The following CCSER1 variants were observed in gnomAD, a reference collection of about 807,000 sequenced individuals.
CCSER1 encodes serine-rich coiled-coil domain-containing protein 1.
Under a neutral mutation model 82.0 loss-of-function variants are expected in CCSER1, and 41 were observed. The ratio of observed to expected loss-of-function variants is 0.50; its 90% confidence interval spans 0.39 to 0.65. CCSER1 has a LOEUF of 0.65. Among genes scored for constraint, CCSER1 ranks in the 30% least tolerant of loss-of-function variants. CCSER1 has a pLI of 0.00. For synonymous variants in CCSER1, 414 were observed against 383.9 expected (o/e 1.08, Z -0.92); for missense variants, 1,119 against 1,064.2 (o/e 1.05, Z -0.72).
chr4:90,740,583 A>C (rs1746371200), intron 7 of CCSER1, among the ~76,000 whole-genome samples: 2 of 152,202 alleles, frequency 1.3e-5, no homozygotes, highest in Non-Finnish European at 2.9e-5. Context: ...AATTATTCTC[A>C]CACACTGTCC....
chr4:90,512,061 C>T (rs573698479), intron 5 of CCSER1, among the ~76,000 whole-genome samples: 12 of 152,110 alleles, frequency 7.9e-5, no homozygotes, highest in African/African-American at 2.7e-4. Context: ...AGGACAAGGT[C>T]GGCAAACTGG....
intron 8 of CCSER1, among the ~76,000 whole-genome samples, chr4:90,875,324 C>A (rs1342472614): frequency 2.0e-5 from 3 of 152,062 alleles, no homozygotes; most frequent in Non-Finnish European, 4.4e-5. Context: ...CTGAGTTGAG[C>A]CTCATGGTTA....
intron 6 of CCSER1, among the ~76,000 whole-genome samples, chr4:90,638,159 G>A (rs919108009): frequency 2.0e-5 from 3 of 152,128 alleles, no homozygotes; most frequent in Non-Finnish European, 2.9e-5. Context: ...GGCATCTTCT[G>A]TGTGAGTGAA....
At chr4:90,497,222 G>A (rs893300644) in intron 5 of CCSER1, among the ~76,000 whole-genome samples, 3 of 152,000 alleles carry the variant, frequency 2.0e-5, no homozygotes, top group African/African-American at 7.2e-5. Flanking sequence ...AGGCATATTG[G>A]AACCATGTCC....
At chr4:90,578,394 GC>G (rs950867922) in intron 5 of CCSER1, among the ~76,000 whole-genome samples, 2 of 151,918 alleles carry the variant, frequency 1.3e-5, no homozygotes, top group Non-Finnish European at 2.9e-5. Context: ...TTGACTCATG[GC>G]CCCTTTCTGC....
rs188590038 is a variant in CCSER1 at position 91,346,523 on chromosome 4, C to G, written c.2218-252049C>G. Among the ~76,000 whole-genome samples the G allele has an allele frequency of 5.3e-3, 805 of 152,250 alleles. 6 individuals carry two copies. Among genetic ancestry groups the G allele is most frequent in the African/African-American group, 0.019 (777 of 41,540 alleles). ...ATACTAAGGAGCACAATTGCTGGAT[C>G]CTATGATAAGAGTGTGTTTAATTTT... is the stretch of plus-strand genomic sequence containing the variant. On this transcript the variant is annotated intron_variant, in intron 10 of 10. Transcript: ENST00000509176.
chr4:90,805,782 C>T (rs560947232), intron 7 of CCSER1, among the ~76,000 whole-genome samples: 1 of 152,214 alleles, frequency 6.6e-6, no homozygotes, highest in South Asian at 2.1e-4. Context: ...GAATAATATG[C>T]ATTTTTACAA....
chr4:91,130,769 A>G (rs896393377), intron 10 of CCSER1, among the ~76,000 whole-genome samples: 5 of 151,868 alleles, frequency 3.3e-5, no homozygotes, highest in African/African-American at 1.2e-4. Flanking sequence ...ACTATCAGGA[A>G]GGAAATAACC....
chr4:91,179,673 G>C (rs868483674), intron 10 of CCSER1, among the ~76,000 whole-genome samples: 1 of 152,140 alleles, frequency 6.6e-6, no homozygotes, highest in South Asian at 2.1e-4. Context: ...AATGTCTTCT[G>C]TATGCTTTTT....
chr4:91,521,126 C>T (rs900743988), intron 10 of CCSER1, among the ~76,000 whole-genome samples: 7 of 152,260 alleles, frequency 4.6e-5, no homozygotes, highest in East Asian at 1.9e-4. Context: ...TGAGTGAGAA[C>T]ATGCAGTGTT....
chr4:90,544,251 A>G (rs896880502), intron 5 of CCSER1, among the ~76,000 whole-genome samples: 1 of 152,152 alleles, frequency 6.6e-6, no homozygotes, highest in Non-Finnish European at 1.5e-5. Flanking sequence ...TCATCCTCAC[A>G]TTTGAGCTCA....
intron 10 of CCSER1, among the ~76,000 whole-genome samples, chr4:91,514,020 T>G (rs1182550440): frequency 1.3e-5 from 2 of 152,074 alleles, no homozygotes; most frequent in Non-Finnish European, 2.9e-5. Context: ...TTTGTTCTTG[T>G]TTTTCCATTT....
At chr4:91,388,962 T>G (rs1415463437) in intron 10 of CCSER1, among the ~76,000 whole-genome samples, 2 of 152,070 alleles carry the variant, frequency 1.3e-5, no homozygotes, top group Non-Finnish European at 2.9e-5. Context: ...ATTTTAAGTA[T>G]TATTTATATA....
intron 1 of CCSER1, among the ~76,000 whole-genome samples, chr4:90,219,971 T>C (rs1241489077): frequency 2.0e-5 from 3 of 152,186 alleles, no homozygotes; most frequent in Non-Finnish European, 4.4e-5. Context: ...ACTAAGACCA[T>C]GTACAGTAGT....
At chr4:90,172,211 G>A (rs2153378586) in intron 1 of CCSER1, among the ~76,000 whole-genome samples, 1 of 151,958 alleles carries the variant, frequency 6.6e-6, no homozygotes, top group South Asian at 2.1e-4. Context: ...AGTTACTCTA[G>A]AAAAACTCAG....
intron 3 of CCSER1, among the ~76,000 whole-genome samples, chr4:90,316,674 A>G (rs961673663): frequency 6.6e-6 from 1 of 152,194 alleles, no homozygotes; most frequent in African/African-American, 2.4e-5. Flanking sequence ...GGGGATTTCA[A>G]TTCTCATAAT....
At chr4:90,695,093 T>C (rs1736780199) in intron 6 of CCSER1, among the ~76,000 whole-genome samples, 1 of 149,446 alleles carries the variant, frequency 6.7e-6, no homozygotes, top group Non-Finnish European at 1.5e-5. Context: ...TATTTGCCAA[T>C]CTAGAATTTC....
chr4:90,729,207 T>C (rs1744260897), intron 7 of CCSER1, among the ~76,000 whole-genome samples: 1 of 152,210 alleles, frequency 6.6e-6, no homozygotes, highest in African/African-American at 2.4e-5. Context: ...AACTGTTGAT[T>C]ATTATTTTTA....
At chr4:91,468,766 T>C (rs115966270) in intron 10 of CCSER1, among the ~76,000 whole-genome samples, 1,907 of 152,186 alleles carry the variant, frequency 0.013, 44 homozygotes, top group African/African-American at 0.043. Context: ...TTAATCAGTT[T>C]ACTTGGGAGA....
Sources: allele counts gnomAD v4.1 joint callset (sites outside exome capture counted in the v4.1 genomes callset), GRCh38; gene constraint gnomAD v4.1.1; transcripts MANE v1.5; gene names NCBI Gene and HGNC (gene_info 2026-07-23, HGNC 2026-07-21).